MEF2B: variants seen among roughly 807,000 people sequenced by gnomAD.
The protein encoded by MEF2B is myocyte-specific enhancer factor 2B.
Under a neutral mutation model 32.2 loss-of-function variants are expected in MEF2B, and 15 were observed. The observed-to-expected ratio is 0.47, with a 90% CI of 0.31 to 0.72. The LOEUF (loss-of-function observed/expected upper bound fraction) is 0.72. MEF2B is among the 30% of genes least tolerant of loss of function. The pLI is 0.05. For missense variants in MEF2B, 441 were observed against 511.5 expected (o/e 0.86, Z 1.33); for synonymous variants, 205 against 225.6 (o/e 0.91, Z 0.82).
intron 1 of MEF2B, among the ~76,000 whole-genome samples, chr19:19,167,118 A>G (rs932168277): frequency 1.3e-5 from 2 of 152,138 alleles, no homozygotes; most frequent in Admixed American, 6.6e-5. Flanking sequence ...TGGGAGGCCA[A>G]GGCAGGTGGA....
rs771563721 is a variant in MEF2B, at chr19:19,146,819, G to C, written c.598C>G (p.Leu200Val). 39 of 1,613,834 alleles carry C rather than the reference G, an allele frequency of 2.4e-5. No individual in the cohort carries two copies. The highest frequency in any genetic ancestry group is 6.7e-5 in the East Asian group (3 of 44,898). The change falls in exon 6 of 9, where the codon CTG (leucine) becomes GTG (valine). Residue 200 changes from leucine to valine, a missense_variant. This residue lies in a region of MEF2B where 326 missense variants were observed against 328.4 expected (regional missense o/e 0.99). Coordinates refer to ENST00000424583, the MANE Select transcript of MEF2B (RefSeq NM_001145785.2). ...SHLTSKTPPP[L>V]YLPTEGRRSD... ...CTCCGCCCTTCCGTCGGCAGGTACA[G>C]TGGGGGTGGTGTCTTGCTGGTGAGG...
chr19:19,163,868 T>C (rs1261032588), intron 1 of MEF2B, among the ~76,000 whole-genome samples: 1 of 152,068 alleles, frequency 6.6e-6, no homozygotes, highest in African/African-American at 2.4e-5. Flanking sequence ...AGGGTCTCAC[T>C]AGGTTGCCCA....
chr19:19,165,758 G>A (rs962044303), intron 1 of MEF2B, among the ~76,000 whole-genome samples: 10 of 152,176 alleles, frequency 6.6e-5, no homozygotes, highest in Non-Finnish European at 1.3e-4. Context: ...AGGGATGGTA[G>A]GGCTTGGACC....
intron 1 of MEF2B, among the ~76,000 whole-genome samples, chr19:19,169,718 G>A (rs772051567): frequency 2.0e-5 from 3 of 152,098 alleles, no homozygotes; most frequent in African/African-American, 4.8e-5. Context: ...AGTTGGCCCC[G>A]GCAGCTGTTG....
chr19:19,152,679 G>A (rs1487417599), intron 1 of MEF2B, among the ~76,000 whole-genome samples: 4 of 152,240 alleles, frequency 2.6e-5, no homozygotes, highest in Non-Finnish European at 4.4e-5. Context: ...GACAGGCTGG[G>A]CAACAGAGCG....
intron 7 of MEF2B, 49 bp from the exon 8 acceptor site, chr19:19,146,433 TCTG>T: frequency 1.7e-6 from 2 of 1,196,110 alleles, no homozygotes; most frequent in Non-Finnish European, 2.3e-6. Flanking sequence ...CCTTAAGCCT[TCTG>T]CAAACCTAAC....
intron 1 of MEF2B, among the ~76,000 whole-genome samples, chr19:19,151,788 T>C (rs2060082598): frequency 6.6e-6 from 1 of 151,956 alleles, no homozygotes; most frequent in Non-Finnish European, 1.5e-5. Context: ...TGGTAGGAAA[T>C]GCTGAGCACC....
chr19:19,159,967 CTTTTTT>C (rs940709586), intron 1 of MEF2B, among the ~76,000 whole-genome samples: 4 of 132,250 alleles, frequency 3.0e-5, no homozygotes, highest in African/African-American at 1.1e-4. Context: ...GTCTACTGAA[CTTTTTT>C]TTTTTTTTTT....
At chr19:19,167,067 C>G (rs1313205116) in intron 1 of MEF2B, among the ~76,000 whole-genome samples, 2 of 150,950 alleles carry the variant, frequency 1.3e-5, no homozygotes, top group African/African-American at 4.9e-5. Flanking sequence ...TAGCTGGTCA[C>G]AGGCTGGCCA....
At chr19:19,151,573 G>A (rs2060080044) in intron 1 of MEF2B, among the ~76,000 whole-genome samples, 1 of 152,050 alleles carries the variant, frequency 6.6e-6, no homozygotes, top group Non-Finnish European at 1.5e-5. Flanking sequence ...GACACCACAG[G>A]GGACGTCCCC....
Position 19,169,041 on chromosome 19 carries a change from G to T in MEF2B, c.-30+1164C>A, listed in dbSNP as rs1198054541. Among the ~76,000 whole-genome samples, 3 of 151,756 alleles carry T rather than the reference G, an allele frequency of 2.0e-5. No homozygotes were observed. The East Asian group carries it at 5.8e-4, about 29-fold the overall frequency. The stretch of plus-strand genomic sequence containing the variant: ...CGCTCCAGCCTGGGTGACAGAGTGA[G>T]ACTCTGTCTCAAAAAAAATTTTTTT... On this transcript the variant is annotated intron_variant, in intron 1 of 8. Transcript: ENST00000424583.
intron 2 of MEF2B, 77 bp from the exon 3 acceptor site, chr19:19,149,506 G>A (rs2060055341): frequency 5.7e-6 from 9 of 1,568,476 alleles, no homozygotes; most frequent in Non-Finnish European, 7.9e-6. Flanking sequence ...AATTGGCAGG[G>A]CCTAACCCTT....
At chr19:19,147,646 G>A (rs371996191) in intron 4 of MEF2B, 52 bp downstream of exon 4, 12 of 1,595,314 alleles carry the variant, frequency 7.5e-6, no homozygotes, top group African/African-American at 1.3e-5. Context: ...CAACGACTTG[G>A]GCCTAGGAAG....
chr19:19,167,929 CT>C (rs1050823149), intron 1 of MEF2B, among the ~76,000 whole-genome samples: 7 of 152,156 alleles, frequency 4.6e-5, no homozygotes, highest in Non-Finnish European at 1.0e-4. Flanking sequence ...GCCTTCCCTC[CT>C]GCAAACCAGC....
intron 1 of MEF2B, among the ~76,000 whole-genome samples, chr19:19,164,360 A>C (rs2146382292): frequency 6.6e-6 from 1 of 152,274 alleles, no homozygotes; most frequent in East Asian, 1.9e-4. Flanking sequence ...TCCTCTAAAC[A>C]ACCTTCACAG....
At position 19,145,856 on chromosome 19, in the gene MEF2B, G is replaced by A; in HGVS notation, c.1048C>T (p.Pro350Ser). Residue 350 changes from proline to serine, a missense_variant, in exon 9 of 9, where the codon CCT becomes TCT. Pro to Ser is a moderately conservative substitution (Grantham distance 74). Coordinates refer to ENST00000424583, the MANE Select transcript of MEF2B (RefSeq NM_001145785.2). The surrounding 1 kb of genome is among the most constrained non-coding windows in gnomAD (Gnocchi z 4.6). Reference protein sequence around the residue: ...PLLLARSLAEPLRPGPALRRL... With the variant: ...PLLLARSLAESLRPGPALRRL... ...CGCAGGGCGGGCCCAGGCCGCAGAG[G>A]CTCTGCCAGGGACCGGGCGAGGAGC... 1 of 1,495,366 alleles carries A rather than the reference G, an allele frequency of 6.7e-7. No homozygotes were observed. The highest frequency in any genetic ancestry group is 8.9e-7 in the Non-Finnish European group (1 of 1,120,142). The allele number at this position is 1,495,366 out of a possible 1,614,324, so 92.6% of individuals were successfully genotyped here. A position where few individuals can be genotyped will look rare whatever the true frequency, so the allele number is the denominator to read the frequency against.
chr19:19,147,678 A>G lies in MEF2B; in HGVS notation c.393+20T>C, dbSNP rs199814687. Reference sequence around the variant, plus strand: ...GAAGTAGGAGGAATGCCTCATTCACAGGGCCAGGGAGTCACTTACATACAG... The same window carrying G: ...GAAGTAGGAGGAATGCCTCATTCACGGGGCCAGGGAGTCACTTACATACAG... On this transcript the variant is annotated intron_variant, in intron 4 of 8. Coordinates refer to ENST00000424583, the MANE Select transcript of MEF2B (RefSeq NM_001145785.2). 4.3e-6 allele frequency: 7 copies of G among 1,609,286 alleles called. No homozygotes were observed. The East Asian group carries it at 1.6e-4, about 36-fold the overall frequency.
In MEF2B at chr19:19,150,771, G is replaced by A. The variant is rs200993974; in HGVS notation, c.-29-7C>T. The A allele has an allele frequency of 6.2e-7, 1 of 1,614,100 alleles. No homozygotes were observed. Among genetic ancestry groups the A allele is most frequent in the East Asian group, 2.2e-5 (1 of 44,872 alleles). On this transcript the variant is annotated splice_polypyrimidine_tract_variant and splice_region_variant and intron_variant, in intron 1 of 8. Coordinates refer to ENST00000424583, the MANE Select transcript of MEF2B (RefSeq NM_001145785.2). The stretch of plus-strand genomic sequence containing the variant: ...TGAGTGGAATGATCTTTGTCTAGGA[G>A]GAGAAGAGGGAGAGGACAGAGTGAG...
chr19:19,162,689 C>G (rs779867206), intron 1 of MEF2B, among the ~76,000 whole-genome samples: 1 of 152,134 alleles, frequency 6.6e-6, no homozygotes, highest in Non-Finnish European at 1.5e-5. Flanking sequence ...AGCTCCTGTT[C>G]GAGGGGCAGG....
Sources: allele counts gnomAD v4.1 joint callset (sites outside exome capture counted in the v4.1 genomes callset), GRCh38; gene constraint gnomAD v4.1.1; regional missense constraint gnomAD v4.1.1; non-coding constraint Gnocchi (gnomAD v3.1); transcripts MANE v1.5; gene names NCBI Gene and HGNC (gene_info 2026-07-23, HGNC 2026-07-21).